Variants in GRIN3A observed in about 807,000 individuals in gnomAD.
GRIN3A encodes the protein glutamate ionotropic receptor NMDA type subunit 3A.
Under a neutral mutation model 92.4 loss-of-function variants are expected in GRIN3A, and 47 were observed. The observed-to-expected ratio is 0.51, with a 90% CI of 0.40 to 0.65. The LOEUF (loss-of-function observed/expected upper bound fraction) is 0.65. Among genes scored for constraint, GRIN3A ranks in the 30% least tolerant of loss-of-function variants. GRIN3A has a pLI of 0.00. For synonymous variants in GRIN3A, 527 were observed against 540.6 expected (o/e 0.97, Z 0.35); for missense variants, 1,324 against 1,393.1 (o/e 0.95, Z 0.79).
chr9:101,720,971 C>A (rs1187744478), intron 1 of GRIN3A, among the ~76,000 whole-genome samples: 1 of 152,150 alleles, frequency 6.6e-6, no homozygotes, highest in African/African-American at 2.4e-5. Flanking sequence ...TGTAACAAAC[C>A]TGCGTGTGTA....
rs575257607 is a variant in GRIN3A at position 101,701,172 on chromosome 9, T to C, written c.700-13972A>G. Reference sequence around the variant, plus strand: ...CAGATTACTATGAATCTAAGTGAGGTGGGCCCAGAATTAGTTTCTGAAGTG... The same window carrying C: ...CAGATTACTATGAATCTAAGTGAGGCGGGCCCAGAATTAGTTTCTGAAGTG... On this transcript the variant is annotated intron_variant, in intron 1 of 8. Coordinates refer to ENST00000361820, the MANE Select transcript of GRIN3A (RefSeq NM_133445.3). Among the ~76,000 whole-genome samples the C allele has an allele frequency of 5.4e-4, 82 of 152,292 alleles. 1 individual carries two copies. Among genetic ancestry groups the C allele is most frequent in the Admixed American group, 5.2e-4 (8 of 15,300 alleles).
Position 101,651,421 on chromosome 9 carries a change from TA to T in GRIN3A, c.2352+18638del, listed in dbSNP as rs539926132. Among the ~76,000 whole-genome samples, 32 of 152,122 alleles carry T rather than the reference TA, an allele frequency of 2.1e-4. No individual in the cohort carries two copies. In the South Asian group the frequency reaches 6.2e-3, roughly 30 times the overall value. ...AGTCAGGTGGGAAGGCTACTTTTGT[TA>T]AAGAGTCGTCAGAGATACTAACATA... On this transcript the variant is annotated intron_variant, in intron 3 of 8. Coordinates refer to ENST00000361820, the MANE Select transcript of GRIN3A (RefSeq NM_133445.3).
intron 1 of GRIN3A, among the ~76,000 whole-genome samples, chr9:101,724,629 G>A (rs1830062332): frequency 6.6e-6 from 1 of 152,214 alleles, no homozygotes; most frequent in Non-Finnish European, 1.5e-5. Context: ...GGCGCCCAGA[G>A]CGAGCGAGCG....
chr9:101,653,240 A>G (rs1829036633), intron 3 of GRIN3A, among the ~76,000 whole-genome samples: 1 of 151,934 alleles, frequency 6.6e-6, no homozygotes, highest in Non-Finnish European at 1.5e-5. Context: ...TTTTATAACT[A>G]TATTGAAGCA....
chr9:101,671,157 G>C, intron 2 of GRIN3A, 50 bp from the exon 3 acceptor site: 1 of 1,220,478 alleles, frequency 8.2e-7, no homozygotes, highest in Non-Finnish European at 1.2e-6. Flanking sequence ...TGAGGCCTAA[G>C]ATAGGAAGCA....
intron 6 of GRIN3A, among the ~76,000 whole-genome samples, chr9:101,597,192 C>T (rs1051539795): frequency 2.6e-5 from 4 of 152,126 alleles, no homozygotes; most frequent in African/African-American, 9.7e-5. Flanking sequence ...AGTTAGATGC[C>T]CATAAATCCC....
chr9:101,738,055 C>T lies in GRIN3A; in HGVS notation c.-76G>A, dbSNP rs919747643. The T allele has an allele frequency of 7.9e-7, 1 of 1,264,256 alleles. No homozygotes were observed. The highest frequency in any genetic ancestry group is 1.1e-6 in the Non-Finnish European group (1 of 901,028). 78.3% of individuals were successfully genotyped at this position (1,264,256 alleles called of 1,614,324 possible). ...CCTCTGCAGCCGCTGCCTGAGGTCT[C>T]CGCCTCCAGGTCCCGCGCGCAGCTT... On this transcript the variant is annotated 5_prime_UTR_variant, in exon 1 of 9. Transcript: ENST00000361820.
chr9:101,597,521 G>A (rs1162900099), intron 6 of GRIN3A, among the ~76,000 whole-genome samples: 2 of 152,126 alleles, frequency 1.3e-5, no homozygotes, highest in African/African-American at 4.8e-5. Context: ...ATAGTTACAG[G>A]CCTCCACTAG....
intron 6 of GRIN3A, among the ~76,000 whole-genome samples, 190 bp from the exon 7 acceptor site, chr9:101,579,550 G>C (rs1827864786): frequency 6.6e-6 from 1 of 152,088 alleles, no homozygotes; most frequent in Non-Finnish European, 1.5e-5. Context: ...GTTGGACTGA[G>C]GGCTGCCGAG....
chr9:101,656,998 A>G (rs183844849), intron 3 of GRIN3A, among the ~76,000 whole-genome samples: 69 of 151,964 alleles, frequency 4.5e-4, no homozygotes, highest in African/African-American at 1.1e-3. Context: ...TTCTCTATGT[A>G]AGCAAAATCA....
rs570297990 is a variant in GRIN3A, at chr9:101,577,783, T to C, written c.2993A>G (p.Lys998Arg). The change falls in exon 8 of 9, where the codon AAA becomes AGA. Residue 998 changes from lysine to arginine, a missense_variant. Physicochemically the swap from Lys to Arg is conservative, Grantham distance 26 (BLOSUM62 2). Transcript: ENST00000361820. ...IEEKQQHFKT[K>R]RVEKRSNVGP... ...CCCTTCTTACCTCTTTTCCACACGTTTGGTCTTGAAATGCTGCTGCTTTTC... is the reference window on the plus strand; with the variant it reads ...CCCTTCTTACCTCTTTTCCACACGTCTGGTCTTGAAATGCTGCTGCTTTTC... 2.5e-6 allele frequency: 4 copies of C among 1,612,518 alleles called. No individual in the cohort carries two copies. Among genetic ancestry groups the C allele is most frequent in the South Asian group, 2.2e-5 (2 of 91,064 alleles).
At chr9:101,595,078 A>T in intron 6 of GRIN3A, 203 of 403,362 alleles carry the variant, frequency 5.0e-4, no homozygotes, top group Middle Eastern at 3.1e-3. Flanking sequence ...GAGCGGAGGG[A>T]GGGGCGGCAG....
At chr9:101,661,264 G>A (rs1190234321) in intron 3 of GRIN3A, among the ~76,000 whole-genome samples, 1 of 151,574 alleles carries the variant, frequency 6.6e-6, no homozygotes, top group Admixed American at 6.6e-5. Context: ...TTCTTACTTG[G>A]GTTATTAAGT....
intron 1 of GRIN3A, among the ~76,000 whole-genome samples, chr9:101,695,076 C>T (rs1829668095): frequency 6.6e-6 from 1 of 152,100 alleles, no homozygotes; most frequent in Non-Finnish European, 1.5e-5. Flanking sequence ...GTACTGTTTA[C>T]CTTATAACTT....
Position 101,670,189 on chromosome 9 carries a change from A to C in GRIN3A, c.2223T>G (p.Thr741=), listed in dbSNP as rs535394531. The C allele has an allele frequency of 3.7e-6, 6 of 1,614,000 alleles. No homozygotes were observed. Among genetic ancestry groups the C allele is most frequent in the East Asian group, 4.5e-5 (2 of 44,872 alleles). ...TVAIKPPKCW[T]GRFLMNLWAI... is the part of the protein sequence containing the mutation. ...CCCAAAGGTTCATTAGAAACCTTCC[A>C]GTCCAACATTTTGGAGGTTTGATGG... The change falls in exon 3 of 9, where the codon ACT becomes ACG. Residue 741 remains threonine, a synonymous_variant. Transcript: ENST00000361820.
intron 3 of GRIN3A, among the ~76,000 whole-genome samples, chr9:101,665,982 T>C (rs1829232163): frequency 6.6e-6 from 1 of 151,918 alleles, no homozygotes; most frequent in African/African-American, 2.4e-5. Flanking sequence ...GACAAGAAGG[T>C]AGGCATATGA....
chr9:101,716,483 A>G (rs567893099), intron 1 of GRIN3A, among the ~76,000 whole-genome samples: 2 of 152,320 alleles, frequency 1.3e-5, no homozygotes, highest in African/African-American at 4.8e-5. Context: ...AAGGTTTTCT[A>G]AACTTCATTT....
chr9:101,649,850 G>T (rs938589078), intron 3 of GRIN3A, among the ~76,000 whole-genome samples: 1 of 151,980 alleles, frequency 6.6e-6, no homozygotes, highest in South Asian at 2.1e-4. Context: ...GAAAATGTAC[G>T]ACCCTTGTCT....
intron 3 of GRIN3A, among the ~76,000 whole-genome samples, chr9:101,629,510 A>G (rs1009580986): frequency 1.3e-5 from 2 of 152,220 alleles, no homozygotes; most frequent in African/African-American, 4.8e-5. Context: ...AACCACTGCC[A>G]TATAGGAACT....
Sources: allele counts gnomAD v4.1 joint callset (sites outside exome capture counted in the v4.1 genomes callset), GRCh38; gene constraint gnomAD v4.1.1; transcripts MANE v1.5; gene names NCBI Gene and HGNC (gene_info 2026-07-23, HGNC 2026-07-21).